The following TRMT11 variants were observed in gnomAD, a reference collection of about 807,000 sequenced individuals.
The protein encoded by TRMT11 is tRNA (guanine(10)-N(2))-methyltransferase TRMT11.
TRMT11 carries 53 observed loss-of-function variants against 62.8 expected under a neutral mutation model. The observed-to-expected ratio is 0.84, with a 90% CI of 0.68 to 1.06. TRMT11 has a LOEUF of 1.06. TRMT11 is among the 50% of genes least tolerant of loss of function. The pLI is 0.00. For missense variants in TRMT11, 556 were observed against 553.4 expected, an observed-to-expected ratio of 1.00 and a Z score of -0.05; for synonymous variants, 188 against 190.3, an observed-to-expected ratio of 0.99 and a Z score of 0.10.
the TRMT11 span, among the ~76,000 whole-genome samples, chr6:126,227,644 A>G: frequency 2.6e-5 from 4 of 152,218 alleles, no homozygotes; most frequent in East Asian, 5.8e-4. Context: ...TTAACACTCT[A>G]GATGTTTACA....
chr6:126,004,192 A>G (rs1792980549), intron 7 of TRMT11, among the ~76,000 whole-genome samples: 1 of 152,078 alleles, frequency 6.6e-6, no homozygotes. Flanking sequence ...AGTATGGGTA[A>G]TATTTTTTTG....
intron 17 of TRMT11, among the ~76,000 whole-genome samples, chr6:126,091,366 A>G (rs979118938): frequency 2.6e-5 from 4 of 152,194 alleles, no homozygotes; most frequent in African/African-American, 7.2e-5. Flanking sequence ...CAGGTGGACA[A>G]CTGTTTAAAT....
At chr6:125,996,865 A>G (rs1191951952) in intron 3 of TRMT11, among the ~76,000 whole-genome samples, 1 of 152,186 alleles carries the variant, frequency 6.6e-6, no homozygotes, top group Non-Finnish European at 1.5e-5. Flanking sequence ...ACGGAATTGG[A>G]CACAACCCAA....
chr6:126,256,187 A>G, the TRMT11 span, among the ~76,000 whole-genome samples: 26 of 152,376 alleles, frequency 1.7e-4, no homozygotes, highest in East Asian at 4.6e-3. Context: ...TCTTTAAGAT[A>G]TGATGACTGT....
chr6:126,138,716 G>A (rs1777880681), intron 21 of TRMT11, among the ~76,000 whole-genome samples: 1 of 152,062 alleles, frequency 6.6e-6, no homozygotes, highest in African/African-American at 2.4e-5. Context: ...CTGAGAAATA[G>A]AGGAATCCAA....
chr6:126,228,602 G>A, the TRMT11 span, among the ~76,000 whole-genome samples: 237 of 152,238 alleles, frequency 1.6e-3, 2 homozygotes, highest in Non-Finnish European at 2.1e-3. Context: ...TTCATTAAGC[G>A]CCTGCTGGTG....
intron 21 of TRMT11, among the ~76,000 whole-genome samples, chr6:126,163,032 T>C (rs1477218687): frequency 6.6e-6 from 1 of 152,208 alleles, no homozygotes; most frequent in Non-Finnish European, 1.5e-5. Flanking sequence ...CCTCTCTTCC[T>C]ATTTGAATAC....
chr6:126,091,816 T>C (rs540093016), intron 17 of TRMT11, among the ~76,000 whole-genome samples: 1 of 152,332 alleles, frequency 6.6e-6, no homozygotes, highest in South Asian at 2.1e-4. Flanking sequence ...CCGTGCAGCT[T>C]GATGACACAT....
At chr6:126,245,240 C>A in the TRMT11 span, among the ~76,000 whole-genome samples, 1 of 152,114 alleles carries the variant, frequency 6.6e-6, no homozygotes, top group Non-Finnish European at 1.5e-5. Context: ...GTTTAGTATA[C>A]CACTTTATTG....
chr6:126,186,137 T>A (rs886621022), intron 1 of TRMT11, among the ~76,000 whole-genome samples: 2 of 152,184 alleles, frequency 1.3e-5, no homozygotes, highest in African/African-American at 4.8e-5. Flanking sequence ...GCTCTATAAT[T>A]TTCTTGTCAG....
At chr6:126,053,018 T>G (rs182758770) in intron 16 of TRMT11, among the ~76,000 whole-genome samples, 26 of 152,222 alleles carry the variant, frequency 1.7e-4, no homozygotes, top group Admixed American at 1.7e-3. Context: ...CCAGAAGACT[T>G]GCTCCTATGG....
intron 1 of TRMT11, among the ~76,000 whole-genome samples, chr6:126,181,056 G>T (rs1648801321): frequency 6.6e-6 from 1 of 152,130 alleles, no homozygotes; most frequent in South Asian, 2.1e-4. Flanking sequence ...CACACATTTA[G>T]AAAGAGGATT....
chr6:126,012,202 T>A (rs985563772), intron 9 of TRMT11, among the ~76,000 whole-genome samples: 27 of 152,228 alleles, frequency 1.8e-4, no homozygotes, highest in Admixed American at 1.2e-3. Flanking sequence ...TAGTTTTTTT[T>A]AAATTAACAG....
At chr6:126,058,027 T>C (rs1169543365) in intron 17 of TRMT11, among the ~76,000 whole-genome samples, 1 of 152,066 alleles carries the variant, frequency 6.6e-6, no homozygotes. Context: ...TACATAGGTA[T>C]ACACATGCCA....
intron 17 of TRMT11, among the ~76,000 whole-genome samples, chr6:126,063,216 A>G (rs753782647): frequency 1.2e-4 from 19 of 152,154 alleles, no homozygotes; most frequent in South Asian, 2.1e-4. Context: ...TATCAAATAC[A>G]TTTTGCTTTT....
chr6:125,998,395 C>CTG (rs763265185), intron 5 of TRMT11, 80 bp downstream of exon 5: 22 of 1,243,508 alleles, frequency 1.8e-5, no homozygotes, highest in Non-Finnish European at 2.3e-5. Context: ...TACCTAATGT[C>CTG]TGTGAAGTGT....
intron 21 of TRMT11, among the ~76,000 whole-genome samples, chr6:126,151,804 T>TC (rs1266331165): frequency 2.3e-4 from 29 of 127,042 alleles, no homozygotes; most frequent in Admixed American, 1.5e-3. Flanking sequence ...TTCCTCTCTG[T>TC]CTTTTCTTTC....
chr6:126,163,671 C>T lies in TRMT11; in HGVS notation c.*1824-11154C>T, dbSNP rs529676713. On this transcript the variant is annotated intron_variant and NMD_transcript_variant, in intron 21 of 22. Transcript: ENST00000648977. ...CCTCTGGTAGAATTCGGCTGTGAAT[C>T]GGTCTGGTCCTGGGCTTTTTTTGGT... Among the ~76,000 whole-genome samples, 12 of 152,270 alleles carry T rather than the reference C, an allele frequency of 7.9e-5. No individual in the cohort carries two copies. In the East Asian group the frequency reaches 1.5e-3, roughly 20 times the overall value.
intron 11 of TRMT11, among the ~76,000 whole-genome samples, chr6:126,019,720 A>G (rs942786357): frequency 3.3e-5 from 5 of 152,146 alleles, no homozygotes; most frequent in Non-Finnish European, 7.4e-5. Flanking sequence ...GGTGTAGAAT[A>G]TATTCTTTCT....
Sources: gnomAD v4.1 joint callset for allele counts (sites outside exome capture counted in the v4.1 genomes callset) on GRCh38, gnomAD v4.1.1 for gene constraint, MANE v1.5 for transcripts, NCBI Gene and HGNC (gene_info 2026-07-23, HGNC 2026-07-21) for gene names.